The following MYT1L variants were observed in gnomAD, a reference collection of about 807,000 sequenced individuals.
MYT1L encodes myelin transcription factor 1-like protein.
In MYT1L, 12 loss-of-function variants were observed where a neutral mutation model predicts 126.7. The observed-to-expected ratio is 0.09, with a 90% CI of 0.06 to 0.15. MYT1L has a LOEUF of 0.15. MYT1L is among the 10% of genes least tolerant of loss of function. The probability of loss-of-function intolerance (pLI) is 1.00; values close to 1 mark genes in which losing one functional copy is unlikely to be tolerated. For missense variants in MYT1L, 979 were observed against 1,585.2 expected (o/e 0.62, Z 6.49); for synonymous variants, 541 against 604.2 (o/e 0.90, Z 1.53).
In MYT1L at chr2:2,275,767, G is replaced by A. The variant is rs191930949; in HGVS notation, c.-421+8637C>T. Among the ~76,000 whole-genome samples the A allele has an allele frequency of 6.8e-4, 104 of 152,298 alleles. 1 individual carries two copies. The highest frequency in any genetic ancestry group is 2.3e-3 in the African/African-American group (95 of 41,564). On this transcript the variant is annotated intron_variant, in intron 2 of 24. Coordinates refer to ENST00000647738, the MANE Select transcript of MYT1L (RefSeq NM_001303052.2). ...AGATACACTTCAATGAACTTTGCAT[G>A]GGTTGATGTCTTCCCAGCCTCATGT...
At chr2:2,154,848 C>T (rs565880576) in intron 3 of MYT1L, among the ~76,000 whole-genome samples, 65 of 152,166 alleles carry the variant, frequency 4.3e-4, no homozygotes, top group Non-Finnish European at 7.2e-4. Flanking sequence ...TAAATGCGGC[C>T]GGGTGCAGTG....
At chr2:1,822,631 G>A (rs1240497016) in intron 21 of MYT1L, among the ~76,000 whole-genome samples, 1 of 152,194 alleles carries the variant, frequency 6.6e-6, no homozygotes, top group African/African-American at 2.4e-5. Flanking sequence ...CCTTCCTCCA[G>A]GGACAGGATG....
chr2:1,939,529 A>G (rs1404293646), intron 9 of MYT1L, among the ~76,000 whole-genome samples: 1 of 152,224 alleles, frequency 6.6e-6, no homozygotes, highest in African/African-American at 2.4e-5. Flanking sequence ...CATGGCAGAC[A>G]TTTACATTTG....
chr2:2,209,165 T>C (rs980197399), intron 2 of MYT1L, among the ~76,000 whole-genome samples: 3 of 152,204 alleles, frequency 2.0e-5, no homozygotes, highest in African/African-American at 7.2e-5. Flanking sequence ...GAGACATTTT[T>C]ATACAGAAAT....
At chr2:1,820,497 G>A (rs1237687541) in intron 21 of MYT1L, among the ~76,000 whole-genome samples, 2 of 152,156 alleles carry the variant, frequency 1.3e-5, no homozygotes, top group Admixed American at 6.5e-5. Flanking sequence ...GTGTTGCTGC[G>A]AAGGTATTTT....
At chr2:1,901,695 T>C (rs2050359860) in intron 14 of MYT1L, among the ~76,000 whole-genome samples, 1 of 152,232 alleles carries the variant, frequency 6.6e-6, no homozygotes, top group Non-Finnish European at 1.5e-5. Context: ...TGTGTGTATG[T>C]GTACTGTGAT....
intron 4 of MYT1L, among the ~76,000 whole-genome samples, chr2:2,050,710 G>C (rs1445821214): frequency 6.6e-6 from 1 of 152,184 alleles, no homozygotes; most frequent in Non-Finnish European, 1.5e-5. Flanking sequence ...CACATGGTAG[G>C]GGGAGCACTG....
intron 2 of MYT1L, among the ~76,000 whole-genome samples, chr2:2,257,498 A>G (rs2094848978): frequency 6.6e-6 from 1 of 152,190 alleles, no homozygotes; most frequent in Non-Finnish European, 1.5e-5. Flanking sequence ...CAAGGAACAG[A>G]AAACCTTACC....
chr2:2,118,671 A>G (rs1467830003), intron 3 of MYT1L, among the ~76,000 whole-genome samples: 1 of 152,266 alleles, frequency 6.6e-6, no homozygotes, highest in Non-Finnish European at 1.5e-5. Context: ...ACTACCAATC[A>G]ATATTAAATA....
At chr2:1,896,818 T>C (rs2148910398) in intron 14 of MYT1L, among the ~76,000 whole-genome samples, 1 of 152,124 alleles carries the variant, frequency 6.6e-6, no homozygotes, top group Middle Eastern at 3.4e-3. Context: ...AAAAGAAAAA[T>C]GCTACCTCTA....
chr2:2,019,709 A>T (rs534586391), intron 4 of MYT1L, among the ~76,000 whole-genome samples: 23 of 152,260 alleles, frequency 1.5e-4, no homozygotes, highest in African/African-American at 5.3e-4. Context: ...ATGCAACCTC[A>T]CACACAGGCT....
intron 2 of MYT1L, among the ~76,000 whole-genome samples, chr2:2,240,063 C>T (rs771320054): frequency 5.3e-5 from 8 of 152,020 alleles, no homozygotes; most frequent in African/African-American, 7.2e-5. Flanking sequence ...TTTTGGAGGC[C>T]GAGGTGGGCA....
rs560392759 is a variant in MYT1L, at chr2:1,895,950, T to A, written c.2033-3663A>T. The stretch of plus-strand genomic sequence containing the variant: ...TTCACAAACTATGTCAGATGACAAA[T>A]GCCTAATATCTGACATCTATAAGGA... On this transcript the variant is annotated intron_variant, in intron 14 of 24. Transcript: ENST00000647738. Among the ~76,000 whole-genome samples, 31 of 152,264 alleles carry A rather than the reference T, an allele frequency of 2.0e-4. No homozygotes were observed. The East Asian group carries it at 2.9e-3, about 14-fold the overall frequency.
At chr2:1,953,743 G>C (rs2058092345) in intron 8 of MYT1L, among the ~76,000 whole-genome samples, 1 of 152,220 alleles carries the variant, frequency 6.6e-6, no homozygotes, top group South Asian at 2.1e-4. Flanking sequence ...GTCTGCCAGT[G>C]CTTCGGTGTG....
chr2:1,863,721 T>C (rs2045046903), intron 18 of MYT1L, among the ~76,000 whole-genome samples: 1 of 138,544 alleles, frequency 7.2e-6, no homozygotes, highest in Non-Finnish European at 1.5e-5. Context: ...ACTTGAACCA[T>C]GTCACTTGAG....
In MYT1L at chr2:1,915,020, G is replaced by A. The variant is rs546672205; in HGVS notation, c.1618+2185C>T. ...TGCTGTGGAGTCCCCACCGTGCAGAGCCCCGGCCTCGTGCAGAGCCCCGGC... is the reference window on the plus strand; with the variant it reads ...TGCTGTGGAGTCCCCACCGTGCAGAACCCCGGCCTCGTGCAGAGCCCCGGC... On this transcript the variant is annotated intron_variant, in intron 11 of 24. Transcript: ENST00000647738. 1.3e-4 allele frequency among the ~76,000 whole-genome samples: 20 copies of A among 151,962 alleles called. No homozygotes were observed. The South Asian group carries it at 4.2e-3, about 32-fold the overall frequency.
In MYT1L at chr2:2,224,155, C is replaced by G. The variant is rs542442809; in HGVS notation, c.-420-51167G>C. Among the ~76,000 whole-genome samples the G allele has an allele frequency of 6.6e-6, 1 of 152,150 alleles. No individual in the cohort carries two copies. The highest frequency in any genetic ancestry group is 6.5e-5 in the Admixed American group (1 of 15,274). ...AGGGCATAACCCCACTTCCAGTGAG[C>G]CTTTGGTCAATTTGTATGTGAACAG... On this transcript the variant is annotated intron_variant, in intron 2 of 24. Transcript: ENST00000647738. The surrounding 1 kb of genome is among the most constrained non-coding windows in gnomAD (Gnocchi z 4.0).
chr2:1,819,609 C>T, intron 21 of MYT1L, among the ~76,000 whole-genome samples: 1 of 152,180 alleles, frequency 6.6e-6, no homozygotes, highest in East Asian at 1.9e-4. Context: ...TCGGGCCCTG[C>T]CAGTGCAGTT....
chr2:2,242,160 A>T (rs1412507975), intron 2 of MYT1L, among the ~76,000 whole-genome samples: 1 of 152,228 alleles, frequency 6.6e-6, no homozygotes, highest in Non-Finnish European at 1.5e-5. Flanking sequence ...GGAAGATCAG[A>T]GTTCATTATT....
Sources: allele counts gnomAD v4.1 joint callset (sites outside exome capture counted in the v4.1 genomes callset), GRCh38; gene constraint gnomAD v4.1.1; non-coding constraint Gnocchi (gnomAD v3.1); transcripts MANE v1.5; gene names NCBI Gene and HGNC (gene_info 2026-07-23, HGNC 2026-07-21).